The following PDZD2 variants were observed in gnomAD, a reference collection of about 807,000 sequenced individuals.
The protein encoded by PDZD2 is PDZ domain containing 2.
A neutral mutation model predicts 220.7 loss-of-function variants in PDZD2; 90 were observed. That is an observed-to-expected ratio of 0.41 (90% CI 0.34 to 0.49). The LOEUF (loss-of-function observed/expected upper bound fraction) is 0.49, where lower values mean the gene tolerates loss of function less well. Ranked by LOEUF, PDZD2 falls within the 20% of genes least tolerant of loss-of-function variation. The probability of loss-of-function intolerance (pLI) is 0.28; values close to 1 mark genes in which losing one functional copy is unlikely to be tolerated. For missense variants in PDZD2, 3,174 were observed against 3,608.5 expected, an observed-to-expected ratio of 0.88 and a Z score of 3.08; for synonymous variants, 1,375 against 1,450.5, an observed-to-expected ratio of 0.95 and a Z score of 1.18.
rs145344499 is a variant in PDZD2 at position 31,766,968 on chromosome 5, T to C, written c.-360-31921T>C. Among the ~76,000 whole-genome samples, 1,167 of 150,430 alleles carry C rather than the reference T, an allele frequency of 7.8e-3. 17 individuals are homozygous for C. Among genetic ancestry groups the C allele is most frequent in the African/African-American group, 0.027 (1,100 of 40,664 alleles). On this transcript the variant is annotated intron_variant, in intron 1 of 24. Transcript: ENST00000438447. ...TTCTCCAACTCCTGACCTCAGGTGA[T>C]CCACCCACCTGCCTCCCAAAGTGCT...
intron 2 of PDZD2, among the ~76,000 whole-genome samples, chr5:31,816,954 C>CA (rs1298691140): frequency 2.0e-5 from 3 of 150,960 alleles, no homozygotes; most frequent in Non-Finnish European, 4.4e-5. Context: ...GAGGCCGAGG[C>CA]AGACGGATCA....
At chr5:31,785,565 C>T (rs1487276723) in intron 1 of PDZD2, among the ~76,000 whole-genome samples, 2 of 151,864 alleles carry the variant, frequency 1.3e-5, no homozygotes, top group Non-Finnish European at 2.9e-5. Flanking sequence ...GTCAGCCTCC[C>T]GGGTAGCTGG....
chr5:32,049,542 T>C (rs1738321254), intron 8 of PDZD2, among the ~76,000 whole-genome samples: 1 of 152,240 alleles, frequency 6.6e-6, no homozygotes, highest in East Asian at 1.9e-4. Context: ...TGGTGTGTTA[T>C]GACCCATTTA....
intron 1 of PDZD2, among the ~76,000 whole-genome samples, chr5:31,673,568 A>T (rs753185040): frequency 3.3e-5 from 5 of 152,140 alleles, no homozygotes; most frequent in Admixed American, 3.3e-4. Flanking sequence ...CCCCAACTTT[A>T]TATGTTGGAA....
chr5:32,094,723 T>A (rs1743481701), intron 21 of PDZD2, among the ~76,000 whole-genome samples: 1 of 151,638 alleles, frequency 6.6e-6, no homozygotes, highest in African/African-American at 2.4e-5. Context: ...AGATTAAATT[T>A]AAAAAATTAG....
intron 2 of PDZD2, among the ~76,000 whole-genome samples, chr5:31,978,645 G>T (rs1012078927): frequency 1.3e-5 from 2 of 149,286 alleles, no homozygotes; most frequent in African/African-American, 5.0e-5. Context: ...AACCCGGGAG[G>T]CGGAGTTGGC....
At chr5:31,644,877 A>G (rs1745077417) in intron 1 of PDZD2, among the ~76,000 whole-genome samples, 1 of 152,226 alleles carries the variant, frequency 6.6e-6, no homozygotes, top group African/African-American at 2.4e-5. Context: ...GTTTTTATAT[A>G]CAGTGTTTCT....
intron 2 of PDZD2, among the ~76,000 whole-genome samples, chr5:31,952,807 C>T (rs1747297083): frequency 6.6e-6 from 1 of 152,066 alleles, no homozygotes; most frequent in African/African-American, 2.4e-5. Flanking sequence ...TGCCTGTAAT[C>T]CCAGCACTTT....
intron 2 of PDZD2, chr5:31,847,681 G>A (rs1178517952): frequency 1.8e-5 from 11 of 607,328 alleles, no homozygotes; most frequent in South Asian, 5.5e-5. Flanking sequence ...TGGCCAGCCC[G>A]GTGCCTTTAC....
At chr5:31,902,675 C>T (rs1394202452) in intron 2 of PDZD2, among the ~76,000 whole-genome samples, 1 of 150,814 alleles carries the variant, frequency 6.6e-6, no homozygotes, top group Non-Finnish European at 1.5e-5. Flanking sequence ...ACATGGCCAA[C>T]ATGGTGAAAC....
intron 1 of PDZD2, among the ~76,000 whole-genome samples, chr5:31,742,755 G>A (rs1248739822): frequency 3.3e-5 from 5 of 152,152 alleles, no homozygotes; most frequent in Middle Eastern, 3.2e-3. Flanking sequence ...TCTTCCCAGA[G>A]GACTGTAGCA....
At chr5:31,727,190 G>A in intron 1 of PDZD2, among the ~76,000 whole-genome samples, 1 of 152,194 alleles carries the variant, frequency 6.6e-6, no homozygotes, top group East Asian at 1.9e-4. Context: ...TGAGATTTCA[G>A]CAGGAACAAA....
intron 1 of PDZD2, among the ~76,000 whole-genome samples, chr5:31,706,083 A>G (rs1413767622): frequency 6.6e-6 from 1 of 152,146 alleles, no homozygotes; most frequent in Non-Finnish European, 1.5e-5. Flanking sequence ...AAAATCCTCT[A>G]TAAGGGGAAG....
At chr5:31,790,106 TTTTTG>T (rs1753613303) in intron 1 of PDZD2, among the ~76,000 whole-genome samples, 1 of 152,124 alleles carries the variant, frequency 6.6e-6, no homozygotes, top group South Asian at 2.1e-4. Flanking sequence ...TGGGAGGTCT[TTTTTG>T]TTTGTTTGTT....
intron 2 of PDZD2, among the ~76,000 whole-genome samples, chr5:31,949,155 A>C (rs2111595894): frequency 6.8e-6 from 1 of 146,926 alleles, no homozygotes; most frequent in African/African-American, 2.5e-5. Flanking sequence ...TCTCACCCCC[A>C]CTCCCATCCC....
At chr5:31,903,656 A>G (rs983963776) in intron 2 of PDZD2, among the ~76,000 whole-genome samples, 3 of 151,004 alleles carry the variant, frequency 2.0e-5, no homozygotes, top group Non-Finnish European at 4.4e-5. Flanking sequence ...AAAAAAAAAA[A>G]AAAAAAAGAA....
chr5:32,108,204 C>G lies in PDZD2; in HGVS notation c.*69C>G. On this transcript the variant is annotated 3_prime_UTR_variant, in exon 25 of 25. Transcript: ENST00000438447. ...AAATCAGAGTGACTTCTTTAAACCA[C>G]AGGTTGTTGAAATGGCCAACACTGG... 2 of 1,128,990 alleles carry G rather than the reference C, an allele frequency of 1.8e-6. No homozygotes were observed. Among genetic ancestry groups the G allele is most frequent in the Non-Finnish European group, 2.6e-6 (2 of 784,250 alleles). 69.9% of individuals were successfully genotyped at this position (1,128,990 alleles called of 1,614,324 possible).
intron 6 of PDZD2, 155 bp downstream of exon 6, chr5:32,010,637 T>C: frequency 1.4e-6 from 1 of 728,312 alleles, no homozygotes; most frequent in Non-Finnish European, 2.5e-6. Flanking sequence ...TCGGAATCTC[T>C]GAGAAAAATC....
chr5:31,786,562 A>G lies in PDZD2; in HGVS notation c.-360-12327A>G, dbSNP rs554926826. 3.3e-5 allele frequency among the ~76,000 whole-genome samples: 5 copies of G among 152,318 alleles called. No homozygotes were observed. In the South Asian group the frequency reaches 1.0e-3, roughly 32 times the overall value. ...GCAGATACTCAAAGTCTGATAAAGC[A>G]ATTTAGCCTATCTCCTCTGCAGTTC... On this transcript the variant is annotated intron_variant, in intron 1 of 24. Transcript: ENST00000438447.
Sources: gnomAD v4.1 joint callset for allele counts (sites outside exome capture counted in the v4.1 genomes callset) on GRCh38, gnomAD v4.1.1 for gene constraint, MANE v1.5 for transcripts, NCBI Gene and HGNC (gene_info 2026-07-23, HGNC 2026-07-21) for gene names.